The following ANKRD31 variants were observed in gnomAD, a reference collection of about 807,000 sequenced individuals.
ANKRD31 encodes ankyrin repeat domain 31.
ANKRD31 carries 147 observed loss-of-function variants against 186.0 expected under a neutral mutation model. That is an observed-to-expected ratio of 0.79 (90% confidence interval 0.69 to 0.91). The LOEUF (loss-of-function observed/expected upper bound fraction) is 0.91. Ranked by LOEUF, ANKRD31 falls within the 40% of genes least tolerant of loss-of-function variation. The pLI is 0.00. For synonymous variants in ANKRD31, 673 were observed against 736.4 expected, an observed-to-expected ratio of 0.91 and a Z score of 1.39; for missense variants, 1,986 against 2,148.8, an observed-to-expected ratio of 0.92 and a Z score of 1.50.
chr5:75,165,749 A>G (rs970829176), intron 11 of ANKRD31, among the ~76,000 whole-genome samples: 1 of 152,204 alleles, frequency 6.6e-6, no homozygotes, highest in Non-Finnish European at 1.5e-5. Flanking sequence ...GAAATTCTAT[A>G]GGACAAATAA....
chr5:75,130,672 C>A (rs948957573), intron 17 of ANKRD31, among the ~76,000 whole-genome samples: 1 of 152,272 alleles, frequency 6.6e-6, no homozygotes, highest in South Asian at 2.1e-4. Context: ...ATTTACAAAC[C>A]TTTAGCTAGA....
chr5:75,167,335 T>A (rs1195832813), intron 11 of ANKRD31, among the ~76,000 whole-genome samples: 1 of 152,232 alleles, frequency 6.6e-6, no homozygotes, highest in Non-Finnish European at 1.5e-5. Context: ...AGGACCAGCA[T>A]TGGGTTCCCA....
At chr5:75,218,932 T>C (rs1757129397) in intron 3 of ANKRD31, among the ~76,000 whole-genome samples, 1 of 152,010 alleles carries the variant, frequency 6.6e-6, no homozygotes, top group Non-Finnish European at 1.5e-5. Context: ...CAAATTCAAA[T>C]CCCTTCATGT....
rs555279242 is a variant in ANKRD31 at position 75,116,755 on chromosome 5, T to C, written c.4040-74A>G. 1.6e-4 allele frequency: 128 copies of C among 788,588 alleles called. 1 individual carries two copies. In the African/African-American group the frequency reaches 2.0e-3, roughly 12 times the overall value. 48.8% of individuals were successfully genotyped at this position (788,588 alleles called of 1,614,324 possible). ...GTTTCATTTTTCAGTTTTAATGTGA[T>C]GGGGATGAGAAGGATAAGTCAAGTC... On this transcript the variant is annotated intron_variant, in intron 18 of 25. Coordinates refer to ENST00000506364, the MANE Select transcript of ANKRD31 (RefSeq NM_001372053.1).
chr5:75,199,732 TC>T (rs878989968), intron 5 of ANKRD31, 58 bp from the exon 6 acceptor site: 2 of 1,363,238 alleles, frequency 1.5e-6, no homozygotes, highest in South Asian at 2.6e-5. Flanking sequence ...AAACATACCT[TC>T]TCAGTTGACA....
At chr5:75,182,852 G>A (rs1168783693) in intron 10 of ANKRD31, among the ~76,000 whole-genome samples, 3 of 152,106 alleles carry the variant, frequency 2.0e-5, no homozygotes, top group African/African-American at 7.2e-5. Context: ...TGGCTTCCAA[G>A]GAAAAGCCAG....
At chr5:75,135,026 A>G (rs1034884724) in intron 17 of ANKRD31, among the ~76,000 whole-genome samples, 1 of 152,226 alleles carries the variant, frequency 6.6e-6, no homozygotes, top group African/African-American at 2.4e-5. Context: ...TCAAAATAAT[A>G]AGAGCTATTT....
chr5:75,148,707 G>A, intron 12 of ANKRD31, 79 bp from the exon 13 acceptor site: 1 of 1,090,700 alleles, frequency 9.2e-7, no homozygotes, highest in Non-Finnish European at 1.3e-6. Flanking sequence ...CCAGTCCTTT[G>A]CCACGAGAAA....
intron 20 of ANKRD31, among the ~76,000 whole-genome samples, chr5:75,109,808 T>C (rs1350840761): frequency 6.6e-6 from 1 of 150,576 alleles, no homozygotes; most frequent in Non-Finnish European, 1.5e-5. Flanking sequence ...AGAGTGAGAG[T>C]CTGTGTAGGA....
intron 10 of ANKRD31, among the ~76,000 whole-genome samples, chr5:75,186,416 A>G (rs559143194): frequency 2.6e-5 from 4 of 152,308 alleles, no homozygotes; most frequent in Non-Finnish European, 5.9e-5. Flanking sequence ...AGTCCTAAAC[A>G]GTTTTGTCTC....
intron 12 of ANKRD31, among the ~76,000 whole-genome samples, chr5:75,149,767 G>C (rs979155314): frequency 4.7e-4 from 71 of 151,906 alleles, no homozygotes; most frequent in African/African-American, 1.6e-3. Context: ...CCTAGGTATA[G>C]AGAAAGTGCT....
At chr5:75,135,615 C>T (rs1580406201) in intron 17 of ANKRD31, among the ~76,000 whole-genome samples, 1 of 152,108 alleles carries the variant, frequency 6.6e-6, no homozygotes, top group Admixed American at 6.5e-5. Flanking sequence ...AGATTCAATG[C>T]CATCCCCATC....
intron 10 of ANKRD31, among the ~76,000 whole-genome samples, chr5:75,175,810 T>G (rs75825206): frequency 6.6e-6 from 1 of 152,084 alleles, no homozygotes; most frequent in African/African-American, 2.4e-5. Flanking sequence ...GCGTGAGCGA[T>G]GCAGAAGACG....
At chr5:75,152,452 G>C (rs1033562598) in intron 12 of ANKRD31, among the ~76,000 whole-genome samples, 4 of 151,994 alleles carry the variant, frequency 2.6e-5, no homozygotes, top group Admixed American at 2.6e-4. Context: ...GCACACAAAG[G>C]GGGAACTGCA....
chr5:75,199,870 TA>T (rs1475097595), intron 5 of ANKRD31, among the ~76,000 whole-genome samples, 196 bp from the exon 6 acceptor site: 1 of 152,166 alleles, frequency 6.6e-6, no homozygotes, highest in Admixed American at 6.5e-5. Flanking sequence ...TTGCATTTCT[TA>T]AAAAATATTT....
chr5:75,083,854 T>C (rs1267538533), intron 24 of ANKRD31, among the ~76,000 whole-genome samples: 2 of 152,196 alleles, frequency 1.3e-5, no homozygotes, highest in South Asian at 2.1e-4. Context: ...TATGGATACA[T>C]GCTATGATGT....
chr5:75,158,661 G>C (rs1227384575), intron 11 of ANKRD31, among the ~76,000 whole-genome samples: 1 of 152,058 alleles, frequency 6.6e-6, no homozygotes, highest in Non-Finnish European at 1.5e-5. Flanking sequence ...GTGTGGTGGT[G>C]CATGCCTATT....
chr5:75,207,537 T>C (rs935611911), intron 4 of ANKRD31, among the ~76,000 whole-genome samples: 3 of 152,138 alleles, frequency 2.0e-5, no homozygotes, highest in Non-Finnish European at 2.9e-5. Flanking sequence ...AAATGAATTA[T>C]AGTAAAGTCA....
Position 75,104,440 on chromosome 5 carries a change from G to A in ANKRD31, c.5119C>T (p.Gln1707Ter), listed in dbSNP as rs377072010. ...IAVLGSDTVH[Q>*]MKPYLKKSVS... ...GATTTTTTAAGATATGGTTTCATCT[G>A]ATGCACTGTATCACTGCCTAAGACA... The change falls in exon 22 of 26, where the codon CAG becomes TAG. Residue 1707 changes from glutamine (Q) to a stop codon, truncating the protein, a stop_gained. Transcript: ENST00000506364. LOFTEE classifies it high-confidence loss of function. 2.0e-5 allele frequency: 30 copies of A among 1,537,102 alleles called. No homozygotes were observed. Among genetic ancestry groups the A allele is most frequent in the Admixed American group, 9.8e-5 (5 of 50,978 alleles).
Sources: gnomAD v4.1 joint callset for allele counts (sites outside exome capture counted in the v4.1 genomes callset) on GRCh38, gnomAD v4.1.1 for gene constraint, MANE v1.5 for transcripts, NCBI Gene and HGNC (gene_info 2026-07-23, HGNC 2026-07-21) for gene names.